EFHC2: variants seen among roughly 807,000 people sequenced by gnomAD.
EFHC2 encodes EF-hand domain-containing family member C2.
In EFHC2, 18 loss-of-function variants were observed where a neutral mutation model predicts 52.7. The ratio of observed to expected loss-of-function variants is 0.34; its 90% CI spans 0.24 to 0.51. The LOEUF (loss-of-function observed/expected upper bound fraction) is 0.51. Ranked by LOEUF, EFHC2 falls within the 20% of genes least tolerant of loss-of-function variation. The pLI is 0.97. For missense variants in EFHC2, 513 were observed against 562.5 expected (o/e 0.91, Z 0.89); for synonymous variants, 203 against 204.1 (o/e 0.99, Z 0.04).
chrX:44,204,996 C>G (rs1020678558), intron 11 of EFHC2, among the ~76,000 whole-genome samples: 8 of 111,422 alleles, frequency 7.2e-5, no homozygotes, highest in African/African-American at 2.6e-4. Flanking sequence ...GGCCAAATTA[C>G]CTGTAAAGGG....
At chrX:44,173,682 G>A (rs780149367) in intron 13 of EFHC2, among the ~76,000 whole-genome samples, 3 of 112,125 alleles carry the variant, frequency 2.7e-5, no homozygotes, top group East Asian at 5.6e-4. Context: ...GCAGCTGAGC[G>A]GGATGACCTC....
intron 1 of EFHC2, among the ~76,000 whole-genome samples, chrX:44,323,664 G>A (rs745500712): frequency 9.0e-6 from 1 of 111,387 alleles, no homozygotes; most frequent in East Asian, 2.8e-4. Context: ...CGGGGTATGA[G>A]GCTCATTTCT....
intron 13 of EFHC2, 80 bp from the exon 14 acceptor site, chrX:44,164,107 A>G: frequency 5.4e-6 from 3 of 551,699 alleles, no homozygotes; most frequent in Non-Finnish European, 8.3e-6. Flanking sequence ...TTTTATCATG[A>G]AAACATAATA....
intron 11 of EFHC2, among the ~76,000 whole-genome samples, chrX:44,227,833 G>C (rs1219329406): frequency 8.9e-6 from 1 of 111,849 alleles, no homozygotes; most frequent in Non-Finnish European, 1.9e-5. Context: ...TGGCATTTGA[G>C]ATGAGTCCTA....
Position 44,179,053 on chromosome X carries a change from A to G in EFHC2, c.1752-489T>C, listed in dbSNP as rs75901100. Among the ~76,000 whole-genome samples, 145 of 109,288 alleles carry G rather than the reference A, an allele frequency of 1.3e-3. No individual in the cohort carries two copies. In the East Asian group the frequency reaches 0.015, roughly 11 times the overall value. 94.9% of individuals were successfully genotyped at this position (109,288 alleles called of 115,157 possible). Reference sequence around the variant, plus strand: ...TGTAATAAAAAGTAAAACTGGACACACCCTGGCAGTGAGAAAAAAAAACAA... The same window carrying G: ...TGTAATAAAAAGTAAAACTGGACACGCCCTGGCAGTGAGAAAAAAAAACAA... On this transcript the variant is annotated intron_variant, in intron 11 of 14. Transcript: ENST00000420999.
chrX:44,239,984 C>A (rs1451341840), intron 8 of EFHC2, among the ~76,000 whole-genome samples: 1 of 111,830 alleles, frequency 8.9e-6, no homozygotes. Flanking sequence ...ACTATTCCCT[C>A]CAATGACTCA....
At chrX:44,304,815 G>A (rs1485425847) in intron 2 of EFHC2, among the ~76,000 whole-genome samples, 1 of 110,147 alleles carries the variant, frequency 9.1e-6, no homozygotes, top group Non-Finnish European at 1.9e-5. Context: ...GGTGGAAACA[G>A]TATTGGCATT....
At chrX:44,159,847 G>A (rs1214157974) in intron 14 of EFHC2, among the ~76,000 whole-genome samples, 3 of 112,879 alleles carry the variant, frequency 2.7e-5, no homozygotes, top group South Asian at 3.6e-4. Flanking sequence ...CCCCTGACTT[G>A]AGGAAAGTAA....
intron 12 of EFHC2, 120 bp from the exon 13 acceptor site, chrX:44,176,504 G>A: frequency 2.0e-6 from 1 of 498,170 alleles, no homozygotes. Flanking sequence ...ATGGAAGTAT[G>A]AAAATTGGTA....
chrX:44,180,106 C>T (rs1199905505), intron 11 of EFHC2, among the ~76,000 whole-genome samples: 1 of 111,930 alleles, frequency 8.9e-6, no homozygotes, highest in Non-Finnish European at 1.9e-5. Flanking sequence ...CTCTTGCCTA[C>T]TACTCTATCC....
At chrX:44,228,612 TCTGA>T (rs1229617722) in intron 11 of EFHC2, among the ~76,000 whole-genome samples, 13 of 112,151 alleles carry the variant, frequency 1.2e-4, no homozygotes, top group African/African-American at 3.9e-4. Flanking sequence ...AAATATGTCC[TCTGA>T]CTGCTTCTCT....
intron 2 of EFHC2, chrX:44,284,235 T>G (rs755245902): frequency 8.9e-6 from 1 of 112,068 alleles, no homozygotes; most frequent in Non-Finnish European, 1.9e-5. Flanking sequence ...CATTTGGAGT[T>G]CCTTTCGTCC....
intron 12 of EFHC2, among the ~76,000 whole-genome samples, chrX:44,177,202 A>G (rs1004412394): frequency 2.7e-5 from 3 of 112,324 alleles, no homozygotes; most frequent in Admixed American, 9.4e-5. Flanking sequence ...GGCCAGGGCC[A>G]TGCAAAACTC....
intron 11 of EFHC2, among the ~76,000 whole-genome samples, chrX:44,225,406 G>A (rs2037225238): frequency 1.8e-5 from 2 of 110,976 alleles, no homozygotes; most frequent in Non-Finnish European, 3.8e-5. Context: ...TAGTTTATCA[G>A]CTCCTACCCT....
At chrX:44,197,658 C>T (rs1276923803) in intron 11 of EFHC2, among the ~76,000 whole-genome samples, 3 of 112,050 alleles carry the variant, frequency 2.7e-5, no homozygotes, top group Non-Finnish European at 5.6e-5. Context: ...ATACAGAGCA[C>T]ATGCACAATA....
intron 9 of EFHC2, among the ~76,000 whole-genome samples, chrX:44,234,235 C>T (rs925842556): frequency 8.9e-6 from 1 of 112,178 alleles, no homozygotes; most frequent in African/African-American, 3.2e-5. Flanking sequence ...ACTAGGATTA[C>T]TAGTAAGCTT....
chrX:44,251,195 C>T (rs772190724), intron 4 of EFHC2, among the ~76,000 whole-genome samples: 20 of 91,686 alleles, frequency 2.2e-4, no homozygotes, highest in Admixed American at 5.3e-4. Flanking sequence ...GCAGAGATCG[C>T]GCCACTGCAC....
At chrX:44,279,064 G>A (rs186978691) in intron 2 of EFHC2, among the ~76,000 whole-genome samples, 40 of 112,180 alleles carry the variant, frequency 3.6e-4, no homozygotes, top group Non-Finnish European at 6.0e-4. Context: ...TTTTAAGGCC[G>A]GGCGCAGTAG....
chrX:44,183,058 C>T (rs1454000286), intron 11 of EFHC2, among the ~76,000 whole-genome samples: 1 of 111,319 alleles, frequency 9.0e-6, no homozygotes, highest in Admixed American at 9.6e-5. Context: ...CCTTTTAAAG[C>T]TCTGAATCTC....
Sources: allele counts gnomAD v4.1 joint callset (sites outside exome capture counted in the v4.1 genomes callset), GRCh38; gene constraint gnomAD v4.1.1; transcripts MANE v1.5; gene names NCBI Gene and HGNC (gene_info 2026-07-23, HGNC 2026-07-21).